The following SVIL variants were observed in gnomAD, a reference collection of about 807,000 sequenced individuals.
The protein encoded by SVIL is archvillin.
In SVIL, 101 loss-of-function variants were observed where a neutral mutation model predicts 240.4. That is an observed-to-expected ratio of 0.42 (90% CI 0.36 to 0.50). The LOEUF is 0.50. Ranked by LOEUF, SVIL falls within the 20% of genes least tolerant of loss-of-function variation. The probability of loss-of-function intolerance (pLI) is 0.01; values close to 1 mark genes in which losing one functional copy is unlikely to be tolerated. For synonymous variants in SVIL, 999 were observed against 1,100.0 expected (o/e 0.91, Z 1.82); for missense variants, 2,512 against 2,818.7 (o/e 0.89, Z 2.46).
At position 29,550,749 on chromosome 10, in the gene SVIL, C is replaced by G; in HGVS notation, c.675G>C (p.Glu225Asp). 3.1e-6 allele frequency: 5 copies of G among 1,614,150 alleles called. No homozygotes were observed. The highest frequency in any genetic ancestry group is 4.2e-6 in the Non-Finnish European group (5 of 1,180,028). Residue 225 changes from glutamate to aspartate, a missense_variant, in exon 6 of 38, where the codon GAG becomes GAC. Transcript: ENST00000355867. ...CAGAGAAAGAGAAGGTCGAGGAACT[C>G]TCGGCTGCTGGGGACAGGTCATGGG... ...RQAHDLSPAA[E>D]SSSTFSFSGR...
chr10:29,695,801 TCTCC>T (rs1318710106), intron 1 of SVIL, among the ~76,000 whole-genome samples: 7 of 140,738 alleles, frequency 5.0e-5, no homozygotes, highest in African/African-American at 1.6e-4. Context: ...TCCCTCTCCC[TCTCC>T]CGTCTCCCTC....
chr10:29,568,220 G>A (rs1277971013), intron 2 of SVIL, among the ~76,000 whole-genome samples: 2 of 149,588 alleles, frequency 1.3e-5, no homozygotes, highest in Admixed American at 6.8e-5. Context: ...ATGATATTGT[G>A]TGTAAAAATT....
chr10:29,575,677 G>A (rs369839114), intron 1 of SVIL, among the ~76,000 whole-genome samples: 41 of 152,064 alleles, frequency 2.7e-4, no homozygotes, highest in African/African-American at 8.9e-4. Flanking sequence ...TACCTTTGCC[G>A]GCTGAAAAAT....
rs1213694531 is a variant in SVIL at position 29,527,724 on chromosome 10, C to CTT, written c.2247-670_2247-669dup. On this transcript the variant is annotated intron_variant, in intron 12 of 37. Coordinates refer to ENST00000355867, the MANE Select transcript of SVIL (RefSeq NM_021738.3). ...ACAGGTGTAAGCCACTGGGCCCAGC[C>CTT]TTTTTTTTTTTTTTTTTTTTTGACA... Among the ~76,000 whole-genome samples the CTT allele has an allele frequency of 4.8e-3, 484 of 99,908 alleles. 10 individuals are homozygous for CTT. Among genetic ancestry groups the CTT allele is most frequent in the Non-Finnish European group, 7.6e-3 (374 of 48,934 alleles). The allele number at this position is 99,908 out of a possible 152,430, so 65.5% of individuals were successfully genotyped here.
chr10:29,599,658 C>A (rs1055371499), intron 1 of SVIL, among the ~76,000 whole-genome samples: 1 of 152,136 alleles, frequency 6.6e-6, no homozygotes, highest in African/African-American at 2.4e-5. Flanking sequence ...CTCAGATGAT[C>A]CGCCCACCTT....
intron 3 of SVIL, among the ~76,000 whole-genome samples, chr10:29,654,764 C>A (rs767957806): frequency 6.6e-6 from 1 of 152,182 alleles, no homozygotes; most frequent in Non-Finnish European, 1.5e-5. Flanking sequence ...TCAGGGTAGC[C>A]AATGGCATCA....
At chr10:29,608,009 A>T (rs1957089464) in intron 1 of SVIL, among the ~76,000 whole-genome samples, 1 of 152,250 alleles carries the variant, frequency 6.6e-6, no homozygotes, top group African/African-American at 2.4e-5. Context: ...ACAGGCATCT[A>T]TCCGATCATT....
At chr10:29,553,563 AAG>A (rs1953594515) in intron 5 of SVIL, among the ~76,000 whole-genome samples, 1 of 75,244 alleles carries the variant, frequency 1.3e-5, no homozygotes, top group Non-Finnish European at 2.7e-5. Context: ...CCTGGGCGAC[AAG>A]AGCAAAACTC....
At chr10:29,665,117 C>T (rs765773396) in intron 2 of SVIL, among the ~76,000 whole-genome samples, 1 of 150,184 alleles carries the variant, frequency 6.7e-6, no homozygotes, top group Non-Finnish European at 1.5e-5. Flanking sequence ...GTGCCAGCTA[C>T]TCAGGAGGCT....
intron 1 of SVIL, among the ~76,000 whole-genome samples, chr10:29,721,669 A>C (rs187069981): frequency 6.6e-6 from 1 of 152,364 alleles, no homozygotes; most frequent in African/African-American, 2.4e-5. Context: ...AAGGATCCTA[A>C]GGGTTTATTC....
intron 1 of SVIL, among the ~76,000 whole-genome samples, chr10:29,717,364 C>A (rs1159635140): frequency 6.6e-6 from 1 of 150,418 alleles, no homozygotes; most frequent in African/African-American, 2.4e-5. Context: ...TACTTATGAC[C>A]TAGCTAGAGA....
rs1004700115 is a variant in SVIL, at chr10:29,538,736, A to G, written c.828-2667T>C. 2.0e-5 allele frequency among the ~76,000 whole-genome samples: 3 copies of G among 152,370 alleles called. No individual in the cohort carries two copies. In the East Asian group the frequency reaches 5.8e-4, roughly 29 times the overall value. ...TATCTAAGGTAGGTTGGGTGTATTAAGTGAATTTTTGACTTAATGTTTCCT... is the reference window on the plus strand; with the variant it reads ...TATCTAAGGTAGGTTGGGTGTATTAGGTGAATTTTTGACTTAATGTTTCCT... On this transcript the variant is annotated intron_variant, in intron 6 of 37. Transcript: ENST00000355867.
chr10:29,554,976 C>T (rs748635917), intron 4 of SVIL, 42 bp from the exon 5 acceptor site: 31 of 1,609,076 alleles, frequency 1.9e-5, no homozygotes, highest in East Asian at 4.5e-5. Flanking sequence ...CAACAGCGAT[C>T]GAATCTAAAG....
chr10:29,550,658 G>C lies in SVIL; in HGVS notation c.766C>G (p.Gln256Glu). The C allele has an allele frequency of 6.2e-7, 1 of 1,613,956 alleles. No individual in the cohort carries two copies. The highest frequency in any genetic ancestry group is 8.5e-7 in the Non-Finnish European group (1 of 1,179,906). ...AAGGAGGGGCTCCGGGAGGCTGCCT[G>C]CTGCAGGGAGGAGCTGTGGGCGTGC... ...PKHAHSSSLQ[Q>E]AASRSPSFGD... Residue 256 changes from glutamine to glutamate, a missense_variant, in exon 6 of 38, where the codon CAG becomes GAG. Physicochemically the swap from Gln to Glu is conservative, Grantham distance 29. Transcript: ENST00000355867.
chr10:29,587,943 C>T (rs1956236365), intron 1 of SVIL, among the ~76,000 whole-genome samples: 1 of 152,152 alleles, frequency 6.6e-6, no homozygotes, highest in Non-Finnish European at 1.5e-5. Flanking sequence ...ATTTTTAATT[C>T]TATGAAGATC....
At position 29,624,912 on chromosome 10, in the gene SVIL, G is replaced by C. The variant is rs141060723; in HGVS notation, c.-201+9508C>G. Among the ~76,000 whole-genome samples the C allele has an allele frequency of 4.6e-3, 705 of 152,206 alleles. 10 individuals are homozygous for C. Among genetic ancestry groups the C allele is most frequent in the African/African-American group, 0.016 (651 of 41,510 alleles). On this transcript the variant is annotated intron_variant, in intron 1 of 37. Transcript: ENST00000355867. ...AATTATCTTGTGAAGGACAAATGTT[G>C]AAATGTTTAAGGCCCCATGAACCAA...
chr10:29,480,479 C>A, intron 29 of SVIL, 58 bp downstream of exon 29: 1 of 1,588,912 alleles, frequency 6.3e-7, no homozygotes, highest in East Asian at 2.2e-5. Flanking sequence ...AAGCTGGCTC[C>A]CGCAGGGCTG....
chr10:29,648,270 A>T (rs1958730368), intron 3 of SVIL, among the ~76,000 whole-genome samples: 1 of 152,198 alleles, frequency 6.6e-6, no homozygotes. Flanking sequence ...CACACTCATC[A>T]GATCTGACAA....
rs1016052555 is a variant in SVIL, at chr10:29,589,865, T to C, written c.-200-20553A>G. On this transcript the variant is annotated intron_variant, in intron 1 of 37. Transcript: ENST00000355867. The stretch of plus-strand genomic sequence containing the variant: ...TCTACTGAACTAAAATTAAGTTTGT[T>C]CTCACTAAAAATAATGTTGTTGGCC... Among the ~76,000 whole-genome samples the C allele has an allele frequency of 4.3e-4, 66 of 152,200 alleles. 1 individual carries two copies. The highest frequency in any genetic ancestry group is 1.3e-3 in the African/African-American group (53 of 41,532).
Sources: gnomAD v4.1 joint callset for allele counts (sites outside exome capture counted in the v4.1 genomes callset) on GRCh38, gnomAD v4.1.1 for gene constraint, MANE v1.5 for transcripts, NCBI Gene and HGNC (gene_info 2026-07-23, HGNC 2026-07-21) for gene names.